SH3GL3: variants seen among roughly 807,000 people sequenced by gnomAD.
The protein encoded by SH3GL3 is SH3 domain containing GRB2 like 3, endophilin A3, also known as endophilin-A3.
A neutral mutation model predicts 47.7 loss-of-function variants in SH3GL3; 33 were observed. The observed-to-expected ratio is 0.69, with a 90% CI of 0.52 to 0.92. The LOEUF (loss-of-function observed/expected upper bound fraction) is 0.92, where lower values mean the gene tolerates loss of function less well. SH3GL3 is among the 40% of genes least tolerant of loss of function. The pLI is 0.00. For missense variants in SH3GL3, 363 were observed against 417.8 expected (o/e 0.87, Z 1.14); for synonymous variants, 155 against 148.8 (o/e 1.04, Z -0.30).
In SH3GL3 at chr15:83,485,569, C is replaced by T. The variant is rs143581308; in HGVS notation, c.45+37991C>T. 3.9e-3 allele frequency among the ~76,000 whole-genome samples: 601 copies of T among 152,280 alleles called. 1 individual carries two copies. Among genetic ancestry groups the T allele is most frequent in the African/African-American group, 0.014 (564 of 41,554 alleles). ...CATGATCATGGCTCCCTGCAGCATC[C>T]ACCTTCCAGGCTCAAGCAATCCTCC... On this transcript the variant is annotated intron_variant, in intron 1 of 8. Coordinates refer to ENST00000427482, the MANE Select transcript of SH3GL3 (RefSeq NM_003027.5).
At chr15:83,591,019 T>G (rs2060082020) in intron 8 of SH3GL3, among the ~76,000 whole-genome samples, 1 of 152,136 alleles carries the variant, frequency 6.6e-6, no homozygotes, top group Non-Finnish European at 1.5e-5. Flanking sequence ...TTCTTTTTCT[T>G]TTTTTTGAGA....
intron 5 of SH3GL3, 138 bp from the exon 6 acceptor site, chr15:83,576,445 C>T: frequency 1.5e-6 from 1 of 647,242 alleles, no homozygotes; most frequent in Non-Finnish European, 2.5e-6. Context: ...TGAGGTGCTC[C>T]CAACAGCAGT....
intron 3 of SH3GL3, 77 bp downstream of exon 3, chr15:83,565,283 A>G: frequency 1.2e-6 from 1 of 854,542 alleles, no homozygotes; most frequent in East Asian, 2.4e-5. Flanking sequence ...TTTAGTTGAC[A>G]TAATGTAGAA....
At chr15:83,476,732 G>A (rs1183048469) in intron 1 of SH3GL3, among the ~76,000 whole-genome samples, 1 of 152,210 alleles carries the variant, frequency 6.6e-6, no homozygotes, top group Non-Finnish European at 1.5e-5. Flanking sequence ...TGTATTACAA[G>A]GGCAGAGTTG....
rs80167603 is a variant in SH3GL3, at chr15:83,598,111, G to C, written c.838+9340G>C. Among the ~76,000 whole-genome samples the C allele has an allele frequency of 7.8e-3, 1,185 of 152,248 alleles. 65 individuals carry two copies. In the East Asian group the frequency reaches 0.11, roughly 14 times the overall value. Reference sequence around the variant, plus strand: ...ATGTTCTGTTGAGTGCAGTGGACTGGTTTCTGTTTTTCTGATTGTTTCTAT... The same window carrying C: ...ATGTTCTGTTGAGTGCAGTGGACTGCTTTCTGTTTTTCTGATTGTTTCTAT... On this transcript the variant is annotated intron_variant, in intron 8 of 8. Coordinates refer to ENST00000427482, the MANE Select transcript of SH3GL3 (RefSeq NM_003027.5).
chr15:83,560,661 T>C (rs1003024091), intron 2 of SH3GL3, among the ~76,000 whole-genome samples: 2 of 152,202 alleles, frequency 1.3e-5, no homozygotes, highest in Non-Finnish European at 2.9e-5. Context: ...AAGTCTATTA[T>C]CTGTTTTATT....
chr15:83,532,842 A>G (rs1044247613), intron 1 of SH3GL3, among the ~76,000 whole-genome samples: 4 of 152,188 alleles, frequency 2.6e-5, no homozygotes, highest in Admixed American at 2.6e-4. Context: ...CAAGATAGGA[A>G]GAAGGGAGGA....
chr15:83,566,470 G>T (rs927818688), intron 3 of SH3GL3, among the ~76,000 whole-genome samples: 7 of 151,934 alleles, frequency 4.6e-5, no homozygotes, highest in African/African-American at 1.7e-4. Flanking sequence ...GAGGATAAAT[G>T]TGAGGTTCAA....
intron 1 of SH3GL3, among the ~76,000 whole-genome samples, chr15:83,490,283 T>TTC (rs2041822704): frequency 6.6e-6 from 1 of 150,900 alleles, no homozygotes; most frequent in African/African-American, 2.5e-5. Context: ...TTTTTTTTTT[T>TTC]CCGCTGACCC....
intron 8 of SH3GL3, among the ~76,000 whole-genome samples, chr15:83,617,786 C>T (rs1454004786): frequency 6.6e-6 from 1 of 152,164 alleles, no homozygotes; most frequent in Non-Finnish European, 1.5e-5. Flanking sequence ...TCTGTCGCTC[C>T]CTTAGGGCTC....
intron 1 of SH3GL3, among the ~76,000 whole-genome samples, chr15:83,521,552 A>C (rs1015897057): frequency 6.6e-6 from 1 of 152,166 alleles, no homozygotes; most frequent in East Asian, 1.9e-4. Flanking sequence ...AAAAGCAGGA[A>C]CACAGTCCTT....
chr15:83,544,018 C>T (rs1010793236), intron 1 of SH3GL3, among the ~76,000 whole-genome samples: 1 of 151,336 alleles, frequency 6.6e-6, no homozygotes, highest in Non-Finnish European at 1.5e-5. Context: ...TTATTTATTT[C>T]TGCCTGATTT....
At chr15:83,616,591 A>G (rs1253445835) in intron 8 of SH3GL3, among the ~76,000 whole-genome samples, 1 of 152,180 alleles carries the variant, frequency 6.6e-6, no homozygotes, top group Non-Finnish European at 1.5e-5. Context: ...TTGACACTAA[A>G]TGTCAGATAT....
intron 8 of SH3GL3, among the ~76,000 whole-genome samples, chr15:83,601,470 T>C (rs1185467417): frequency 6.6e-6 from 1 of 152,238 alleles, no homozygotes; most frequent in East Asian, 1.9e-4. Context: ...ATTTTTGTTT[T>C]TAATTCTGTT....
intron 1 of SH3GL3, among the ~76,000 whole-genome samples, chr15:83,492,696 G>A (rs2041923349): frequency 6.6e-6 from 1 of 152,220 alleles, no homozygotes; most frequent in South Asian, 2.1e-4. Context: ...GAAAGCTGGT[G>A]GACAAATACC....
Position 83,566,365 on chromosome 15 carries a change from AGTGTGTGT to A in SH3GL3, c.187+1194_187+1201del, listed in dbSNP as rs57323112. 1.3e-3 allele frequency among the ~76,000 whole-genome samples: 177 copies of A among 136,678 alleles called. 1 individual carries two copies. The highest frequency in any genetic ancestry group is 9.8e-3 in the East Asian group (45 of 4,606). The allele number at this position is 136,678 out of a possible 152,430, so 89.7% of individuals were successfully genotyped here. A position where few individuals can be genotyped will look rare whatever the true frequency, so the allele number is the denominator to read the frequency against. ...GATGGGCAGAGAGAGAGAGAGAGAG[AGTGTGTGT>A]GTGTGTGTGTGTGTGTGTGTGTGTG... is the stretch of plus-strand genomic sequence containing the variant. On this transcript the variant is annotated intron_variant, in intron 3 of 8. Coordinates refer to ENST00000427482, the MANE Select transcript of SH3GL3 (RefSeq NM_003027.5).
At chr15:83,569,542 A>C (rs1028691149) in intron 4 of SH3GL3, among the ~76,000 whole-genome samples, 4 of 152,186 alleles carry the variant, frequency 2.6e-5, no homozygotes, top group African/African-American at 9.7e-5. Flanking sequence ...TTGCTGAGTC[A>C]AGAGTATGCT....
chr15:83,460,996 T>C (rs2040266865), intron 1 of SH3GL3, among the ~76,000 whole-genome samples: 1 of 151,458 alleles, frequency 6.6e-6, no homozygotes, highest in Admixed American at 6.6e-5. Context: ...GGCAGGAGAA[T>C]GGTGTGAACC....
At chr15:83,473,824 G>C (rs1461632227) in intron 1 of SH3GL3, among the ~76,000 whole-genome samples, 1 of 150,950 alleles carries the variant, frequency 6.6e-6, no homozygotes, top group African/African-American at 2.4e-5. Flanking sequence ...TGGGATTACA[G>C]ACGTGAGCCA....
Sources: allele counts gnomAD v4.1 joint callset (sites outside exome capture counted in the v4.1 genomes callset), GRCh38; gene constraint gnomAD v4.1.1; transcripts MANE v1.5; gene names NCBI Gene and HGNC (gene_info 2026-07-23, HGNC 2026-07-21).